The following CD44 variants were observed in gnomAD, a reference collection of about 807,000 sequenced individuals.
CD44 encodes CD44 antigen.
In CD44, 49 loss-of-function variants were observed where a neutral mutation model predicts 88.8. The observed-to-expected ratio is 0.55, with a 90% CI of 0.44 to 0.70. The LOEUF is 0.70. Among genes scored for constraint, CD44 ranks in the 30% least tolerant of loss-of-function variants. The pLI is 0.00. For missense variants in CD44, 883 were observed against 913.8 expected (o/e 0.97, Z 0.43); for synonymous variants, 325 against 312.3 (o/e 1.04, Z -0.43).
chr11:35,192,712 C>T (rs1946380481), intron 5 of CD44, among the ~76,000 whole-genome samples: 5 of 151,762 alleles, frequency 3.3e-5, no homozygotes, highest in Admixed American at 3.3e-4. Flanking sequence ...GATCAAGAAA[C>T]CTAAACTAAT....
chr11:35,213,167 C>A (rs1414769892), intron 14 of CD44, among the ~76,000 whole-genome samples: 1 of 152,132 alleles, frequency 6.6e-6, no homozygotes, highest in African/African-American at 2.4e-5. Context: ...TCACAGTACC[C>A]TAGAATGCTT....
In CD44 at chr11:35,180,414, T is replaced by C. The variant is rs116243547; in HGVS notation, c.367+7T>C. On this transcript the variant is annotated splice_region_variant and intron_variant, in intron 3 of 17. Coordinates refer to ENST00000428726, the MANE Select transcript of CD44 (RefSeq NM_000610.4). ...TATTGCTTCAATGCTTCAGGTTGGTTCTCAGGGGGGTGTCTGTTGGCGTGA... is the reference window on the plus strand; with the variant it reads ...TATTGCTTCAATGCTTCAGGTTGGTCCTCAGGGGGGTGTCTGTTGGCGTGA... 1.1e-3 allele frequency: 1,737 copies of C among 1,614,004 alleles called. 22 individuals carry two copies. In the African/African-American group the frequency reaches 0.021, roughly 19 times the overall value.
intron 1 of CD44, chr11:35,139,671 TC>T: frequency 1.5e-6 from 1 of 652,534 alleles, no homozygotes; most frequent in Non-Finnish European, 2.9e-6. Context: ...AAGTAACCGT[TC>T]TCCCGGATGC....
At chr11:35,177,426 G>A (rs1002696984) in intron 2 of CD44, among the ~76,000 whole-genome samples, 4 of 152,208 alleles carry the variant, frequency 2.6e-5, no homozygotes, top group Admixed American at 6.5e-5. Flanking sequence ...TGCACAAGAA[G>A]AGCAAGCCAC....
rs530485659 is a variant in CD44 at position 35,161,067 on chromosome 11, C to G, written c.68-15508C>G. Among the ~76,000 whole-genome samples the G allele has an allele frequency of 3.3e-5, 5 of 152,264 alleles. 1 individual carries two copies. Among genetic ancestry groups the G allele is most frequent in the Non-Finnish European group, 7.4e-5 (5 of 68,014 alleles). On this transcript the variant is annotated intron_variant, in intron 1 of 17. Transcript: ENST00000428726. ...TCTTGAGTGGTTGTAACCAAGGATA[C>G]TGAAAGTGGTTGACCAGTTAATAAA...
At chr11:35,177,687 G>T (rs7928464) in intron 2 of CD44, among the ~76,000 whole-genome samples, 117,950 of 152,160 alleles carry the variant, frequency 0.78, 46,140 homozygotes, top group South Asian at 0.91. Context: ...CCAACACTGG[G>T]TACAGTCATG....
chr11:35,228,548 C>CTTTT (rs1949874039), intron 17 of CD44, among the ~76,000 whole-genome samples: 1 of 152,196 alleles, frequency 6.6e-6, no homozygotes, highest in Non-Finnish European at 1.5e-5. Context: ...AAGAGGCAAA[C>CTTTT]ATTTCCATTG....
At chr11:35,229,095 TC>T (rs766291245) in intron 17 of CD44, 33 bp from the exon 18 acceptor site, 2 of 1,551,786 alleles carry the variant, frequency 1.3e-6, no homozygotes, top group African/African-American at 2.7e-5. Context: ...GTCACTGCAA[TC>T]TTTCTGATAT....
intron 12 of CD44, among the ~76,000 whole-genome samples, chr11:35,209,504 G>C (rs1948199603): frequency 6.6e-6 from 1 of 152,036 alleles, no homozygotes; most frequent in Non-Finnish European, 1.5e-5. Context: ...TTTTTCTTTT[G>C]TGGTTACAAC....
intron 5 of CD44, among the ~76,000 whole-genome samples, chr11:35,190,960 C>G (rs1198916251): frequency 6.6e-6 from 1 of 152,196 alleles, no homozygotes; most frequent in Non-Finnish European, 1.5e-5. Context: ...TTACATCTCT[C>G]TTGTCTCCTG....
chr11:35,212,037 C>A (rs182681799), intron 14 of CD44, among the ~76,000 whole-genome samples: 7 of 152,098 alleles, frequency 4.6e-5, no homozygotes, highest in Admixed American at 3.9e-4. Context: ...GAATAGGGAC[C>A]ACTTCTCTTA....
rs1482898049 is a variant in CD44, at chr11:35,230,914, G to C, written c.*1581G>C. 1 of 152,448 alleles carries C rather than the reference G, an allele frequency of 6.6e-6. No individual in the cohort carries two copies. Among genetic ancestry groups the C allele is most frequent in the African/African-American group, 2.4e-5 (1 of 41,448 alleles). 9.4% of individuals were successfully genotyped at this position (152,448 alleles called of 1,614,324 possible). A position where few individuals can be genotyped will look rare whatever the true frequency, so the allele number is the denominator to read the frequency against. ...GTTACCTAAACTTATGTGCTTAACA[G>C]GCAATGCTTCTCAGACCACAAAGCA... On this transcript the variant is annotated 3_prime_UTR_variant, in exon 18 of 18. Coordinates refer to ENST00000428726, the MANE Select transcript of CD44 (RefSeq NM_000610.4).
At chr11:35,150,193 C>T (rs887936959) in intron 1 of CD44, among the ~76,000 whole-genome samples, 1 of 152,210 alleles carries the variant, frequency 6.6e-6, no homozygotes, top group Admixed American at 6.5e-5. Context: ...ACCCCTGTAA[C>T]TTGTTGGCAC....
At chr11:35,181,879 TATA>T (rs1190637209) in intron 3 of CD44, among the ~76,000 whole-genome samples, 1 of 75,796 alleles carries the variant, frequency 1.3e-5, no homozygotes, top group African/African-American at 6.6e-5. Flanking sequence ...ATATATTATA[TATA>T]ATTCTATATA....
intron 13 of CD44, among the ~76,000 whole-genome samples, chr11:35,210,948 G>A (rs973417046): frequency 1.3e-5 from 2 of 152,136 alleles, no homozygotes; most frequent in African/African-American, 4.8e-5. Context: ...TACCTCAGCT[G>A]ACTTCAAGAT....
At chr11:35,183,122 T>C (rs1222265759) in intron 3 of CD44, among the ~76,000 whole-genome samples, 1 of 152,182 alleles carries the variant, frequency 6.6e-6, no homozygotes, top group Non-Finnish European at 1.5e-5. Context: ...ATGAATTAAA[T>C]AATAAAGCTA....
Position 35,169,671 on chromosome 11 carries a change from G to A in CD44, c.68-6904G>A, listed in dbSNP as rs75780206. Among the ~76,000 whole-genome samples the A allele has an allele frequency of 3.7e-3, 565 of 152,320 alleles. 7 individuals are homozygous for A. Among genetic ancestry groups the A allele is most frequent in the African/African-American group, 0.013 (550 of 41,564 alleles). On this transcript the variant is annotated intron_variant, in intron 1 of 17. Transcript: ENST00000428726. ...TTCTACAACTTCAGAAATAACTGGGGTGGACCAAGAAGCTATTATTCCTCG... is the reference window on the plus strand; with the variant it reads ...TTCTACAACTTCAGAAATAACTGGGATGGACCAAGAAGCTATTATTCCTCG...
At chr11:35,226,093 T>C (rs1347716933) in intron 17 of CD44, among the ~76,000 whole-genome samples, 1 of 152,230 alleles carries the variant, frequency 6.6e-6, no homozygotes, top group Non-Finnish European at 1.5e-5. Context: ...AATATTGGAA[T>C]GAGTTATTTA....
At chr11:35,225,765 C>T (rs1483607096) in intron 17 of CD44, among the ~76,000 whole-genome samples, 4 of 152,144 alleles carry the variant, frequency 2.6e-5, no homozygotes, top group African/African-American at 7.2e-5. Flanking sequence ...TGCAGTGAGC[C>T]GAGATAGTGC....
Sources: gnomAD v4.1 joint callset for allele counts (sites outside exome capture counted in the v4.1 genomes callset) on GRCh38, gnomAD v4.1.1 for gene constraint, MANE v1.5 for transcripts, NCBI Gene and HGNC (gene_info 2026-07-23, HGNC 2026-07-21) for gene names.